Variants in TAF3 observed in about 807,000 individuals in gnomAD.
TAF3 encodes the protein TATA-box binding protein associated factor 3, also known as transcription initiation factor TFIID subunit 3.
A neutral mutation model predicts 80.6 loss-of-function variants in TAF3; 7 were observed. That is an observed-to-expected ratio of 0.09 (90% CI 0.05 to 0.16). The LOEUF (loss-of-function observed/expected upper bound fraction) is 0.16, where lower values mean the gene tolerates loss of function less well. Among genes scored for constraint, TAF3 ranks in the 10% least tolerant of loss-of-function variants. The pLI is 1.00. For missense variants in TAF3, 921 were observed against 1,140.2 expected, an observed-to-expected ratio of 0.81 and a Z score of 2.77; for synonymous variants, 444 against 446.1, an observed-to-expected ratio of 1.00 and a Z score of 0.06.
At chr10:7,877,842 T>G (rs1156502191) in intron 2 of TAF3, among the ~76,000 whole-genome samples, 1 of 152,166 alleles carries the variant, frequency 6.6e-6, no homozygotes, top group Non-Finnish European at 1.5e-5. Context: ...TGTCCCTCTC[T>G]CTCCTTCTAG....
At chr10:7,956,142 T>C (rs549607342) in intron 2 of TAF3, among the ~76,000 whole-genome samples, 2 of 152,280 alleles carry the variant, frequency 1.3e-5, no homozygotes, top group Non-Finnish European at 2.9e-5. Flanking sequence ...TATTCATGAA[T>C]TCTTTGTAGT....
In TAF3 at chr10:7,978,033, T is replaced by G. The variant is rs191005736; in HGVS notation, c.2315+710T>G. The stretch of plus-strand genomic sequence containing the variant: ...TAAGATAATGAAACATTGATTTTTT[T>G]TTTTGGAACTCATGTTGAAAATCAT... On this transcript the variant is annotated intron_variant, in intron 4 of 6. Transcript: ENST00000344293. Among the ~76,000 whole-genome samples the G allele has an allele frequency of 5.5e-3, 843 of 152,324 alleles. 3 individuals carry two copies. The highest frequency in any genetic ancestry group is 9.6e-3 in the Non-Finnish European group (652 of 68,024).
chr10:7,877,417 C>T (rs1052755251), intron 2 of TAF3, among the ~76,000 whole-genome samples: 1 of 151,912 alleles, frequency 6.6e-6, no homozygotes, highest in Admixed American at 6.6e-5. Flanking sequence ...ATTTCTTAGC[C>T]CAGAATAGCC....
chr10:7,934,028 T>C (rs1306340644), intron 2 of TAF3, among the ~76,000 whole-genome samples: 3 of 152,148 alleles, frequency 2.0e-5, no homozygotes, highest in Non-Finnish European at 4.4e-5. Flanking sequence ...CCAGAGATGC[T>C]CATTGAGCAC....
chr10:8,003,628 A>G (rs1178744212), intron 4 of TAF3, among the ~76,000 whole-genome samples: 4 of 152,256 alleles, frequency 2.6e-5, no homozygotes, highest in Non-Finnish European at 4.4e-5. Flanking sequence ...AGAAACTATC[A>G]TTTGTTGCAT....
intron 3 of TAF3, among the ~76,000 whole-genome samples, chr10:7,967,743 GGAGA>G (rs1443068446): frequency 2.0e-5 from 3 of 152,198 alleles, no homozygotes; most frequent in Non-Finnish European, 4.4e-5. Context: ...GTCAGTAGAT[GGAGA>G]GAGTGTTCCA....
At chr10:7,851,976 G>A (rs1298717771) in intron 2 of TAF3, among the ~76,000 whole-genome samples, 4 of 151,272 alleles carry the variant, frequency 2.6e-5, no homozygotes, top group Admixed American at 1.3e-4. Context: ...TAGAGATGAC[G>A]TCTTGTCATG....
intron 4 of TAF3, among the ~76,000 whole-genome samples, chr10:7,991,715 A>G (rs1188186256): frequency 1.3e-5 from 2 of 152,144 alleles, no homozygotes; most frequent in East Asian, 1.9e-4. Context: ...TATACACTAT[A>G]TTTTTTCCAT....
At chr10:7,878,977 C>T (rs1837335278) in intron 2 of TAF3, among the ~76,000 whole-genome samples, 1 of 152,136 alleles carries the variant, frequency 6.6e-6, no homozygotes, top group African/African-American at 2.4e-5. Flanking sequence ...ATCCGCTCAC[C>T]TCAGCTTCCC....
intron 2 of TAF3, among the ~76,000 whole-genome samples, chr10:7,863,351 C>T (rs971127870): frequency 2.0e-5 from 3 of 151,802 alleles, no homozygotes; most frequent in Non-Finnish European, 4.4e-5. Context: ...CAGGTCACAC[C>T]TGTAATCCCA....
chr10:7,841,563 A>T (rs775999393), intron 2 of TAF3, among the ~76,000 whole-genome samples: 3 of 152,250 alleles, frequency 2.0e-5, no homozygotes, highest in Non-Finnish European at 2.9e-5. Context: ...ATTTCATTAT[A>T]AATTCTGTTG....
Position 8,009,867 on chromosome 10 carries a change from C to T in TAF3, c.2568+537C>T, listed in dbSNP as rs768206021. 4.1e-4 allele frequency among the ~76,000 whole-genome samples: 63 copies of T among 152,062 alleles called. No homozygotes were observed. The highest frequency in any genetic ancestry group is 6.8e-4 in the Non-Finnish European group (46 of 67,998). On this transcript the variant is annotated intron_variant, in intron 5 of 6. Transcript: ENST00000344293. The surrounding 1 kb of genome is among the most constrained non-coding windows in gnomAD (Gnocchi z 4.1). ...AACTCCTGACCTAAGGTGATCCACCCGCCTCGGCCTCCCAAAGTGTGGGAT... is the reference window on the plus strand; with the variant it reads ...AACTCCTGACCTAAGGTGATCCACCTGCCTCGGCCTCCCAAAGTGTGGGAT...
Position 8,009,901 on chromosome 10 carries a change from T to G in TAF3, c.2568+571T>G, listed in dbSNP as rs921227521. ...CTCCCAAAGTGTGGGATTACAGGCATGAGCCACCGTGCCCGGCTTTTTTTT... is the reference window on the plus strand; with the variant it reads ...CTCCCAAAGTGTGGGATTACAGGCAGGAGCCACCGTGCCCGGCTTTTTTTT... On this transcript the variant is annotated intron_variant, in intron 5 of 6. Coordinates refer to ENST00000344293, the MANE Select transcript of TAF3 (RefSeq NM_031923.4). The surrounding 1 kb of genome is among the most constrained non-coding windows in gnomAD (Gnocchi z 4.1). Among the ~76,000 whole-genome samples the G allele has an allele frequency of 3.3e-5, 5 of 151,936 alleles. No individual in the cohort carries two copies. The highest frequency in any genetic ancestry group is 2.6e-4 in the Admixed American group (4 of 15,266).
chr10:7,977,738 A>G (rs988755094), intron 4 of TAF3, among the ~76,000 whole-genome samples: 8 of 152,228 alleles, frequency 5.3e-5, no homozygotes, highest in Admixed American at 1.3e-4. Flanking sequence ...TTTTGCTCAG[A>G]TGGCACATGG....
chr10:7,845,628 G>GT (rs1358658467), intron 2 of TAF3, among the ~76,000 whole-genome samples: 1 of 151,576 alleles, frequency 6.6e-6, no homozygotes, highest in African/African-American at 2.4e-5. Flanking sequence ...ATATCTGTGA[G>GT]TATTATAGCA....
intron 2 of TAF3, among the ~76,000 whole-genome samples, chr10:7,905,272 C>A (rs898610415): frequency 5.9e-5 from 9 of 152,136 alleles, no homozygotes; most frequent in African/African-American, 2.2e-4. Context: ...GAGTGACACG[C>A]GCTGCCTTGA....
intron 2 of TAF3, among the ~76,000 whole-genome samples, chr10:7,925,428 G>A (rs1837805278): frequency 6.6e-6 from 1 of 152,204 alleles, no homozygotes; most frequent in Admixed American, 6.5e-5. Context: ...TAATATGGAG[G>A]TGTTAACCTC....
chr10:7,964,731 C>A lies in TAF3; in HGVS notation c.1221C>A (p.Phe407Leu). ...RACAEREPDPFEFSSGSESEG... is the reference protein window; with the variant it reads ...RACAEREPDPLEFSSGSESEG... ...GTGCTGAGCGAGAGCCAGATCCTTT[C>A]GAATTTTCTTCTGGATCGGAATCTG... The change falls in exon 3 of 7, where the codon TTC becomes TTA. Residue 407 changes from phenylalanine to leucine, a missense_variant. Physicochemically the swap from Phe to Leu is conservative, Grantham distance 22 (BLOSUM62 0). Around this residue, in one of 6 missense-constraint regions of TAF3, gnomAD observed 743 missense variants for 821.0 expected, o/e 0.90. Transcript: ENST00000344293. The surrounding 1 kb of genome is among the most constrained non-coding windows in gnomAD (Gnocchi z 4.1). The A allele has an allele frequency of 1.2e-6, 2 of 1,614,146 alleles. No individual in the cohort carries two copies. Among genetic ancestry groups the A allele is most frequent in the Non-Finnish European group, 1.7e-6 (2 of 1,180,036 alleles).
intron 2 of TAF3, among the ~76,000 whole-genome samples, chr10:7,925,159 C>T (rs1476603866): frequency 6.6e-6 from 1 of 152,150 alleles, no homozygotes; most frequent in Non-Finnish European, 1.5e-5. Flanking sequence ...TATTTTTAAA[C>T]TTCAAAAATG....
Sources: gnomAD v4.1 joint callset for allele counts (sites outside exome capture counted in the v4.1 genomes callset) on GRCh38, gnomAD v4.1.1 for gene constraint, gnomAD v4.1.1 regional missense constraint, Gnocchi (gnomAD v3.1) non-coding constraint, MANE v1.5 for transcripts, NCBI Gene and HGNC (gene_info 2026-07-23, HGNC 2026-07-21) for gene names.